TMEM131L: variants seen among roughly 807,000 people sequenced by gnomAD.
TMEM131L encodes the protein transmembrane 131 like, also known as transmembrane protein 131-like.
In TMEM131L, 54 loss-of-function variants were observed where a neutral mutation model predicts 192.2. The ratio of observed to expected loss-of-function variants is 0.28; its 90% CI spans 0.23 to 0.35. The LOEUF is 0.35. Ranked by LOEUF, TMEM131L falls within the 10% of genes least tolerant of loss-of-function variation. The pLI is 1.00. For synonymous variants in TMEM131L, 701 were observed against 704.9 expected (o/e 0.99, Z 0.09); for missense variants, 1,888 against 1,972.9 (o/e 0.96, Z 0.82).
At chr4:153,504,302 A>G (rs1298192083) in intron 3 of TMEM131L, among the ~76,000 whole-genome samples, 4 of 48,372 alleles carry the variant, frequency 8.3e-5, no homozygotes, top group Non-Finnish European at 1.1e-4. Flanking sequence ...TTTTTTGGAG[A>G]CAGAGTCTCG....
At chr4:153,481,861 T>C (rs184515159) in intron 3 of TMEM131L, among the ~76,000 whole-genome samples, 1 of 152,138 alleles carries the variant, frequency 6.6e-6, no homozygotes, top group Non-Finnish European at 1.5e-5. Context: ...ATTATTATTA[T>C]TTTTGAGACG....
At chr4:153,479,837 A>G (rs1410741239) in intron 3 of TMEM131L, among the ~76,000 whole-genome samples, 1 of 152,202 alleles carries the variant, frequency 6.6e-6, no homozygotes, top group African/African-American at 2.4e-5. Context: ...ATCTTTGGGG[A>G]CACTCGCTTT....
At chr4:153,486,755 C>CA (rs1732363347) in intron 3 of TMEM131L, among the ~76,000 whole-genome samples, 1 of 152,262 alleles carries the variant, frequency 6.6e-6, no homozygotes, top group South Asian at 2.1e-4. Context: ...GGTCTGCACT[C>CA]ACCTTGAACC....
chr4:153,582,288 A>G (rs1474962830), intron 9 of TMEM131L, among the ~76,000 whole-genome samples: 1 of 150,946 alleles, frequency 6.6e-6, no homozygotes, highest in Non-Finnish European at 1.5e-5. Flanking sequence ...TGTGTAGCCC[A>G]GGTGGGAGCA....
At position 153,555,895 on chromosome 4, in the gene TMEM131L, G is replaced by T. The variant is rs966420456; in HGVS notation, c.417G>T (p.Pro139=). The T allele has an allele frequency of 4.5e-6, 7 of 1,551,146 alleles. No homozygotes were observed. Among genetic ancestry groups the T allele is most frequent in the African/African-American group, 1.4e-5 (1 of 72,996 alleles). Residue 139 remains proline, a synonymous_variant, in exon 5 of 35, where the codon CCG becomes CCT. Coordinates refer to ENST00000409959, the MANE Select transcript of TMEM131L (RefSeq NM_001131007.2). The surrounding 1 kb of genome is among the most constrained non-coding windows in gnomAD (Gnocchi z 4.1). ...CAGCTGCTGGACATTTCCATGTACC[G>T]CCAGTTCCCTGCAGGGTGGGTGTTG... is the stretch of plus-strand genomic sequence containing the variant. ...VFAAAGHFHV[P]PVPCRVIPAM...
chr4:153,514,191 A>G (rs1734550258), intron 3 of TMEM131L, among the ~76,000 whole-genome samples: 1 of 152,220 alleles, frequency 6.6e-6, no homozygotes, highest in Admixed American at 6.5e-5. Flanking sequence ...CCTCTGTAAA[A>G]CAAGACTAAT....
chr4:153,489,921 G>A (rs1407568259), intron 3 of TMEM131L, among the ~76,000 whole-genome samples: 1 of 151,990 alleles, frequency 6.6e-6, no homozygotes, highest in Non-Finnish European at 1.5e-5. Flanking sequence ...GTGTGCTGTG[G>A]TGTGTCTCTG....
At chr4:153,563,134 T>C (rs1261024313) in intron 7 of TMEM131L, among the ~76,000 whole-genome samples, 1 of 152,152 alleles carries the variant, frequency 6.6e-6, no homozygotes, top group African/African-American at 2.4e-5. Flanking sequence ...TGAACATAAA[T>C]AGTCTGGAAG....
chr4:153,567,902 C>T (rs1452198455), intron 7 of TMEM131L, among the ~76,000 whole-genome samples: 49 of 152,124 alleles, frequency 3.2e-4, no homozygotes. Flanking sequence ...TGGGGGCTCT[C>T]TGGAAATCCT....
At chr4:153,473,290 A>C (rs996944171) in intron 2 of TMEM131L, among the ~76,000 whole-genome samples, 7 of 152,236 alleles carry the variant, frequency 4.6e-5, no homozygotes, top group Admixed American at 1.3e-4. Flanking sequence ...TCTTTGCTGC[A>C]CAGAGTGCGA....
At chr4:153,493,566 A>G (rs2149910923) in intron 3 of TMEM131L, among the ~76,000 whole-genome samples, 1 of 152,168 alleles carries the variant, frequency 6.6e-6, no homozygotes, top group African/African-American at 2.4e-5. Flanking sequence ...AGGCTGAGGC[A>G]GGAGAATCAC....
Position 153,584,885 on chromosome 4 carries a change from C to A in TMEM131L, c.1111C>A (p.His371Asn). The A allele has an allele frequency of 6.2e-7, 1 of 1,614,096 alleles. No homozygotes were observed. The highest frequency in any genetic ancestry group is 8.5e-7 in the Non-Finnish European group (1 of 1,179,928). The change falls in exon 12 of 35, where the codon CAC becomes AAC. Residue 371 changes from histidine (H) to asparagine (N), a missense_variant. By Grantham distance (68) the His-to-Asn change is moderately conservative. Coordinates refer to ENST00000409959, the MANE Select transcript of TMEM131L (RefSeq NM_001131007.2). ...TATAGAAGATGTGAAGAAAACAACA[C>A]ACACTCCAACACTAAAAGCATGCCT... Reference protein sequence around the residue: ...GIIEDVKKTTHTPTLKACLFS... With the variant: ...GIIEDVKKTTNTPTLKACLFS...
At chr4:153,479,486 T>C (rs1157827920) in intron 3 of TMEM131L, among the ~76,000 whole-genome samples, 1 of 152,224 alleles carries the variant, frequency 6.6e-6, no homozygotes. Flanking sequence ...CATGTCTGGC[T>C]CTCTGTATAT....
Position 153,586,240 on chromosome 4 carries a change from C to T in TMEM131L, c.1343C>T (p.Pro448Leu). 2.5e-6 allele frequency: 4 copies of T among 1,581,116 alleles called. No homozygotes were observed. Among genetic ancestry groups the T allele is most frequent in the South Asian group, 1.2e-5 (1 of 82,104 alleles). The change falls in exon 14 of 35, where the codon CCT becomes CTT. Residue 448 changes from proline to leucine, a missense_variant. By Grantham distance (98) the Pro-to-Leu change is moderately conservative. Transcript: ENST00000409959. ...AATTTCACTGGCCCTTTATTTCTACCTCCAGGCTGTTGGAATATATTTTCT... is the reference window on the plus strand; with the variant it reads ...AATTTCACTGGCCCTTTATTTCTACTTCCAGGCTGTTGGAATATATTTTCT... ...ILNFTGPLFL[P>L]PGCWNIFSLK...
intron 4 of TMEM131L, among the ~76,000 whole-genome samples, chr4:153,550,381 C>T (rs1428264713): frequency 6.6e-6 from 1 of 152,108 alleles, no homozygotes; most frequent in East Asian, 1.9e-4. Flanking sequence ...GGCTGGAGTG[C>T]AGTGGCGTGA....
At chr4:153,499,188 C>A (rs142376168) in intron 3 of TMEM131L, among the ~76,000 whole-genome samples, 14 of 152,346 alleles carry the variant, frequency 9.2e-5, no homozygotes, top group Admixed American at 8.5e-4. Context: ...CGAGGCTGCG[C>A]CTTGTAACTT....
chr4:153,620,901 CTAATA>C, intron 27 of TMEM131L, 21 bp downstream of exon 27: 1 of 1,557,852 alleles, frequency 6.4e-7, no homozygotes, highest in Non-Finnish European at 8.6e-7. Context: ...CTTACTATCT[CTAATA>C]TTTTGATCTA....
intron 3 of TMEM131L, among the ~76,000 whole-genome samples, chr4:153,485,273 A>T (rs1241853713): frequency 6.6e-6 from 1 of 152,156 alleles, no homozygotes; most frequent in African/African-American, 2.4e-5. Flanking sequence ...GCCTTCTCTA[A>T]CATACATGTA....
At chr4:153,551,755 AG>A (rs1301433445) in intron 4 of TMEM131L, among the ~76,000 whole-genome samples, 3 of 152,202 alleles carry the variant, frequency 2.0e-5, no homozygotes, top group African/African-American at 7.2e-5. Context: ...ATAAAATTCT[AG>A]GTGTCTGTTT....
Sources: allele counts gnomAD v4.1 joint callset (sites outside exome capture counted in the v4.1 genomes callset), GRCh38; gene constraint gnomAD v4.1.1; non-coding constraint Gnocchi (gnomAD v3.1); transcripts MANE v1.5; gene names NCBI Gene and HGNC (gene_info 2026-07-23, HGNC 2026-07-21).